Variants in BEST1 observed in about 807,000 individuals in gnomAD.
BEST1 encodes the protein bestrophin 1.
Under a neutral mutation model 63.3 loss-of-function variants are expected in BEST1, and 58 were observed. That is an observed-to-expected ratio of 0.92 (90% CI 0.74 to 1.14). The LOEUF is 1.14. Among genes scored for constraint, BEST1 ranks in the 50% most tolerant of loss-of-function variants. The pLI, the probability that BEST1 is intolerant of heterozygous loss-of-function variation, is 0.00. For missense variants in BEST1, 671 were observed against 740.1 expected, an observed-to-expected ratio of 0.91 and a Z score of 1.08; for synonymous variants, 283 against 291.6, an observed-to-expected ratio of 0.97 and a Z score of 0.30.
At chr11:61,963,321 AG>A in intron 10 of BEST1, 1 of 1,334,418 alleles carries the variant, frequency 7.5e-7, no homozygotes, top group Non-Finnish European at 9.5e-7. Context: ...ATAACTATTT[AG>A]GGTAGTACCC....
chr11:61,951,881 G>A lies in BEST1; in HGVS notation c.75G>A (p.Arg25=). ...GSFSRLLLCW[R]GSIYKLLYGE... is the part of the protein sequence containing the mutation. ...TCTCCCGCCTGCTGCTGTGCTGGCG[G>A]GGCAGCATCTACAAGCTGCTATATG... The change falls in exon 2 of 11, where the codon CGG becomes CGA. Residue 25 remains arginine (R), a synonymous_variant. Coordinates refer to ENST00000378043, the MANE Select transcript of BEST1 (RefSeq NM_004183.4). The A allele has an allele frequency of 6.2e-7, 1 of 1,613,514 alleles. No individual in the cohort carries two copies. Among genetic ancestry groups the A allele is most frequent in the Non-Finnish European group, 8.5e-7 (1 of 1,179,906 alleles).
chr11:61,959,698 C>T (rs769487830), intron 8 of BEST1, 120 bp downstream of exon 8: 352 of 1,313,664 alleles, frequency 2.7e-4, no homozygotes, highest in Middle Eastern at 1.3e-3. Flanking sequence ...CCTCCTCCCT[C>T]CTGCAGCCAG....
Position 61,956,841 on chromosome 11 carries a change from C to T in BEST1, c.482-3C>T. ...CCACCGCCTTCTTCACTCCACTCTG[C>T]AGGCTTTATGACTCCGGCAGAACAC... On this transcript the variant is annotated splice_polypyrimidine_tract_variant and splice_region_variant and intron_variant, in intron 4 of 10. Transcript: ENST00000378043. 1 of 1,614,114 alleles carries T rather than the reference C, an allele frequency of 6.2e-7. No individual in the cohort carries two copies. The highest frequency in any genetic ancestry group is 8.5e-7 in the Non-Finnish European group (1 of 1,180,002).
In BEST1 at chr11:61,951,831, GT is replaced by G; in HGVS notation, c.26del (p.Val9GlyfsTer6). On this transcript the variant is annotated frameshift_variant, in exon 2 of 11. Transcript: ENST00000378043. LOFTEE classifies it high-confidence loss of function. ...CATGACCATCACTTACACAAGCCAA[GT>G]GGCTAATGCCCGCTTAGGCTCCTTC... MTITYTSQ[V>X]ANARLGSFSR... The G allele has an allele frequency of 1.9e-6, 3 of 1,613,310 alleles. No individual in the cohort carries two copies. The highest frequency in any genetic ancestry group is 2.5e-6 in the Non-Finnish European group (3 of 1,180,034).
At chr11:61,965,336 T>C (rs770210526), downstream of BEST1, 5 of 1,611,626 alleles carry the variant, frequency 3.1e-6, no homozygotes, top group Non-Finnish European at 4.2e-6. Flanking sequence ...TGCCAGATGA[T>C]GAAGTATGAC....
At chr11:61,963,174 G>A in intron 10 of BEST1, 1 of 1,441,588 alleles carries the variant, frequency 6.9e-7, no homozygotes, top group Non-Finnish European at 9.1e-7. Context: ...GAATGCTGCT[G>A]GAGAACTGCC....
chr11:61,952,020 T>G, intron 2 of BEST1, 62 bp downstream of exon 2: 1 of 1,577,916 alleles, frequency 6.3e-7, no homozygotes, highest in Non-Finnish European at 8.7e-7. Flanking sequence ...TGGGAGCTCC[T>G]GGGGGCCTCC....
chr11:61,958,298 G>A lies in BEST1; in HGVS notation c.867G>A (p.Lys289=), dbSNP rs778383234. Residue 289 remains lysine (K), a splice_region_variant and synonymous_variant, in exon 7 of 11, where the codon AAG becomes AAA. Coordinates refer to ENST00000378043, the MANE Select transcript of BEST1 (RefSeq NM_004183.4). The part of the protein sequence containing the change: ...LQFFFYVGWL[K]VAEQLINPFG... ...TCTTCTTCTATGTTGGCTGGCTGAA[G>A]GTGGGCCTCTCCAGGGCCCTGCTGG... The A allele has an allele frequency of 1.9e-6, 3 of 1,614,248 alleles. No individual in the cohort carries two copies. The highest frequency in any genetic ancestry group is 2.2e-5 in the South Asian group (2 of 91,090).
At chr11:61,957,021 GCT>G (rs1297567188) in intron 5 of BEST1, 23 bp downstream of exon 5, 1 of 1,613,870 alleles carries the variant, frequency 6.2e-7, no homozygotes, top group Non-Finnish European at 8.5e-7. Context: ...TACAGACAGG[GCT>G]GCCGCAGAGT....
chr11:61,962,333 C>T lies in BEST1; in HGVS notation c.1179C>T (p.Phe393=). Residue 393 remains phenylalanine (F), a synonymous_variant, in exon 10 of 11, where the codon TTC becomes TTT. Coordinates refer to ENST00000378043, the MANE Select transcript of BEST1 (RefSeq NM_004183.4). ...CTCACGCTGGCATCATTGGCCGCTT[C>T]CTAGGCCTGCAGTCCCATGATCACC... ...EDAHAGIIGR[F]LGLQSHDHHP... 8 of 1,614,184 alleles carry T rather than the reference C, an allele frequency of 5.0e-6. No individual in the cohort carries two copies. Among genetic ancestry groups the T allele is most frequent in the Non-Finnish European group, 6.8e-6 (8 of 1,180,022 alleles).
intron 2 of BEST1, 64 bp downstream of exon 2, chr11:61,952,022 G>A: frequency 2.5e-6 from 4 of 1,576,968 alleles, no homozygotes; most frequent in Non-Finnish European, 3.5e-6. Context: ...GGAGCTCCTG[G>A]GGGCCTCCCA....
At chr11:61,956,058 A>AC in intron 4 of BEST1, 107 bp downstream of exon 4, 2 of 1,156,394 alleles carry the variant, frequency 1.7e-6, no homozygotes, top group Non-Finnish European at 2.4e-6. Flanking sequence ...GACTCGGGGG[A>AC]TTGGGTGGAG....
In BEST1 at chr11:61,958,194, C is replaced by G. The variant is rs372989281; in HGVS notation, c.763C>G (p.Arg255Gly). 1.2e-6 allele frequency: 2 copies of G among 1,614,062 alleles called. No individual in the cohort carries two copies. The highest frequency in any genetic ancestry group is 1.7e-6 in the Non-Finnish European group (2 of 1,180,046). ...YSFFLTCLVG[R>G]QFLNPAKAYP... The stretch of plus-strand genomic sequence containing the variant: ...CTTCTTCCTGACTTGTCTAGTTGGG[C>G]GGCAGTTTCTGAACCCAGCCAAGGC... Residue 255 changes from arginine to glycine, a missense_variant, in exon 7 of 11, where the codon CGG becomes GGG. Arg to Gly is a moderately radical substitution (Grantham distance 125). Transcript: ENST00000378043.
At chr11:61,962,939 C>T (rs1942233600) in intron 10 of BEST1, 46 bp downstream of exon 10, 1 of 1,613,890 alleles carries the variant, frequency 6.2e-7, no homozygotes, top group Admixed American at 1.7e-5. Context: ...CCCTGTGCCC[C>T]ACCCCAGCTT....
intron 9 of BEST1, chr11:61,960,918 G>A: frequency 6.6e-6 from 1 of 152,520 alleles, no homozygotes; most frequent in Non-Finnish European, 1.5e-5. Context: ...TTCTCCCCAG[G>A]ACAACAGAGT....
At chr11:61,954,133 C>A (rs900506844) in intron 2 of BEST1, among the ~76,000 whole-genome samples, 1 of 152,140 alleles carries the variant, frequency 6.6e-6, no homozygotes, top group Non-Finnish European at 1.5e-5. Context: ...GAAAAAGAGT[C>A]AGACTTCATT....
In BEST1 at chr11:61,962,817, C is replaced by A. The variant is rs1942215219; in HGVS notation, c.1663C>A (p.Pro555Thr). The A allele has an allele frequency of 1.2e-6, 2 of 1,614,052 alleles. No homozygotes were observed. Among genetic ancestry groups the A allele is most frequent in the Admixed American group, 1.7e-5 (1 of 59,996 alleles). ...GATCCCCGAAAATCACCTCAAAGAA[C>A]CTTTGGAACAATCACCAACCAACAT... The part of the protein sequence containing the change: ...PEIPENHLKE[P>T]LEQSPTNIHT... The change falls in exon 10 of 11, where the codon CCT becomes ACT. Residue 555 changes from proline to threonine, a missense_variant. Physicochemically the swap from Pro to Thr is conservative, Grantham distance 38. Coordinates refer to ENST00000378043, the MANE Select transcript of BEST1 (RefSeq NM_004183.4).
rs141071579 is a variant in BEST1, at chr11:61,962,673, T to C, written c.1519T>C (p.Ser507Pro). 1,764 of 1,614,174 alleles carry C rather than the reference T, an allele frequency of 1.1e-3. 4 individuals carry two copies. The highest frequency in any genetic ancestry group is 1.4e-3 in the Non-Finnish European group (1,605 of 1,180,024). ...TKDKSLKTVS[S>P]GAKKSFELLS... ...AGACAAAAGCTTAAAGACTGTGAGT[T>C]CTGGGGCCAAGAAAAGTTTTGAATT... The change falls in exon 10 of 11, where the codon TCT becomes CCT. Residue 507 changes from serine to proline, a missense_variant. Physicochemically the swap from Ser to Pro is moderately conservative, Grantham distance 74. Coordinates refer to ENST00000378043, the MANE Select transcript of BEST1 (RefSeq NM_004183.4).
rs948487261 is a variant in BEST1 at position 61,964,332 on chromosome 11, G to A, written c.*210G>A. On this transcript the variant is annotated 3_prime_UTR_variant, in exon 11 of 11. Coordinates refer to ENST00000378043, the MANE Select transcript of BEST1 (RefSeq NM_004183.4). The stretch of plus-strand genomic sequence containing the variant: ...TCATAAAAACTGTGAAAGCTAGACT[G>A]AACCATTGGAAACATTTAACTCAGA... The A allele has an allele frequency of 3.4e-5, 33 of 964,938 alleles. No homozygotes were observed. The African/African-American group carries it at 5.0e-4, about 14-fold the overall frequency. The allele number at this position is 964,938 out of a possible 1,614,324, so 59.8% of individuals were successfully genotyped here.
Sources: gnomAD v4.1 joint callset for allele counts (sites outside exome capture counted in the v4.1 genomes callset) on GRCh38, gnomAD v4.1.1 for gene constraint, MANE v1.5 for transcripts, NCBI Gene and HGNC (gene_info 2026-07-23, HGNC 2026-07-21) for gene names.